The following PDE1A variants were observed in gnomAD, a reference collection of about 807,000 sequenced individuals.
The protein encoded by PDE1A is dual specificity calcium/calmodulin-dependent 3',5'-cyclic nucleotide phosphodiesterase 1A.
Under a neutral mutation model 61.7 loss-of-function variants are expected in PDE1A, and 35 were observed. That is an observed-to-expected ratio of 0.57 (90% confidence interval 0.43 to 0.75). The LOEUF (loss-of-function observed/expected upper bound fraction) is 0.75, where lower values mean the gene tolerates loss of function less well. PDE1A is among the 30% of genes least tolerant of loss of function. PDE1A has a pLI of 0.00. For synonymous variants in PDE1A, 232 were observed against 213.2 expected, an observed-to-expected ratio of 1.09 and a Z score of -0.77; for missense variants, 597 against 630.6, an observed-to-expected ratio of 0.95 and a Z score of 0.57.
In PDE1A at chr2:182,179,740, C is replaced by G. The variant is rs1684593539; in HGVS notation, c.1516+6152G>C. On this transcript the variant is annotated intron_variant, in intron 13 of 13. Transcript: ENST00000351439. Reference sequence around the variant, plus strand: ...TTCTTCCCTGCCTACTGCAGATAATCATTTGAATTTCTACTTTGTGCCAGT... The same window carrying G: ...TTCTTCCCTGCCTACTGCAGATAATGATTTGAATTTCTACTTTGTGCCAGT... Among the ~76,000 whole-genome samples the G allele has an allele frequency of 2.0e-5, 3 of 152,126 alleles. No homozygotes were observed. In the South Asian group the frequency reaches 6.2e-4, roughly 32 times the overall value.
chr2:182,517,931 A>G (rs1182405882), intron 2 of PDE1A, among the ~76,000 whole-genome samples: 4 of 152,210 alleles, frequency 2.6e-5, no homozygotes, highest in African/African-American at 9.6e-5. Flanking sequence ...AAACGGAGGA[A>G]CAGTTGCCTC....
At chr2:182,422,209 T>C (rs1703325699) in intron 1 of PDE1A, among the ~76,000 whole-genome samples, 2 of 152,210 alleles carry the variant, frequency 1.3e-5, no homozygotes, top group African/African-American at 4.8e-5. Context: ...TTATTTCTAA[T>C]GGAAAATTAC....
At chr2:182,153,181 G>A (rs913961401) in intron 13 of PDE1A, among the ~76,000 whole-genome samples, 1 of 152,154 alleles carries the variant, frequency 6.6e-6, no homozygotes, top group Non-Finnish European at 1.5e-5. Context: ...CTAATACCTT[G>A]TCAGATAGCC....
At chr2:182,200,608 G>T (rs1686541062) in intron 10 of PDE1A, among the ~76,000 whole-genome samples, 1 of 152,158 alleles carries the variant, frequency 6.6e-6, no homozygotes, top group African/African-American at 2.4e-5. Context: ...TGCCTGGATT[G>T]TATTCTTTAT....
At chr2:182,610,704 A>T in the PDE1A span, among the ~76,000 whole-genome samples, 27 of 152,198 alleles carry the variant, frequency 1.8e-4, no homozygotes, top group Admixed American at 5.9e-4. Context: ...GACAAAAGCA[A>T]TAGCTCAAAA....
At chr2:182,167,884 G>A (rs935875781), downstream of PDE1A, 2 of 1,048,148 alleles carry the variant, frequency 1.9e-6, no homozygotes, top group East Asian at 7.4e-5. Context: ...GACAATCTAA[G>A]GTGAAAACAG....
At chr2:182,702,142 C>T in the PDE1A span, among the ~76,000 whole-genome samples, 2 of 152,092 alleles carry the variant, frequency 1.3e-5, no homozygotes, top group Non-Finnish European at 2.9e-5. Flanking sequence ...CTCACTCTGT[C>T]GCCCAGGCTG....
the PDE1A span, among the ~76,000 whole-genome samples, chr2:182,650,599 C>G: frequency 6.6e-6 from 1 of 151,968 alleles, no homozygotes; most frequent in Middle Eastern, 3.2e-3. Flanking sequence ...GATTTCATGT[C>G]TACAATAATG....
intron 8 of PDE1A, among the ~76,000 whole-genome samples, chr2:182,205,041 T>C (rs746634350): frequency 3.3e-5 from 5 of 152,204 alleles, no homozygotes; most frequent in Non-Finnish European, 7.4e-5. Flanking sequence ...ACTTTCCTTT[T>C]GGATATTTCT....
At chr2:182,161,359 A>T (rs77549079) in intron 13 of PDE1A, among the ~76,000 whole-genome samples, 3,569 of 151,996 alleles carry the variant, frequency 0.023, 136 homozygotes, top group African/African-American at 0.08. Flanking sequence ...GGGAAAAAAA[A>T]AATGGAATTA....
At chr2:182,518,321 G>A (rs1213967997) in intron 2 of PDE1A, among the ~76,000 whole-genome samples, 3 of 151,978 alleles carry the variant, frequency 2.0e-5, no homozygotes, top group Non-Finnish European at 2.9e-5. Flanking sequence ...ACAACATACT[G>A]CCCTCTTCAA....
At chr2:182,358,009 T>G (rs1455342170) in intron 1 of PDE1A, among the ~76,000 whole-genome samples, 1 of 152,218 alleles carries the variant, frequency 6.6e-6, no homozygotes, top group Non-Finnish European at 1.5e-5. Flanking sequence ...TGTGTTGCAG[T>G]TCTTGCCTCT....
At chr2:182,703,897 A>G in the PDE1A span, among the ~76,000 whole-genome samples, 45 of 152,150 alleles carry the variant, frequency 3.0e-4, no homozygotes, top group African/African-American at 9.6e-4. Flanking sequence ...TATAGGATAA[A>G]TATTTATAAA....
the PDE1A span, among the ~76,000 whole-genome samples, chr2:182,687,178 G>T: frequency 6.6e-6 from 1 of 152,192 alleles, no homozygotes; most frequent in Non-Finnish European, 1.5e-5. Flanking sequence ...CAGCTTTGAA[G>T]AGAGTAGTGG....
At chr2:182,577,976 GGAAGGAAGGA>G in the PDE1A span, among the ~76,000 whole-genome samples, 539 of 146,950 alleles carry the variant, frequency 3.7e-3, 8 homozygotes, top group African/African-American at 0.013. Flanking sequence ...AAGGAAGGAA[GGAAGGAAGGA>G]AGGAAGGGAC....
At chr2:182,207,093 G>A (rs1687171064) in intron 7 of PDE1A, among the ~76,000 whole-genome samples, 1 of 152,150 alleles carries the variant, frequency 6.6e-6, no homozygotes, top group South Asian at 2.1e-4. Flanking sequence ...CTAAAAATGT[G>A]GAAGCAACTT....
chr2:182,316,066 T>C (rs1340510882), intron 1 of PDE1A, among the ~76,000 whole-genome samples: 2 of 152,164 alleles, frequency 1.3e-5, no homozygotes, highest in African/African-American at 4.8e-5. Flanking sequence ...TGAGCAGTAA[T>C]TGAATAAGTC....
At chr2:182,292,207 T>C (rs1321505787) in intron 1 of PDE1A, among the ~76,000 whole-genome samples, 1 of 152,020 alleles carries the variant, frequency 6.6e-6, no homozygotes, top group Non-Finnish European at 1.5e-5. Context: ...AGGCTCTCTC[T>C]CTCTACTAAT....
intron 13 of PDE1A, among the ~76,000 whole-genome samples, chr2:182,176,118 T>A (rs1692751018): frequency 6.7e-6 from 1 of 149,126 alleles, no homozygotes; most frequent in Non-Finnish European, 1.5e-5. Flanking sequence ...TCAGGTAGTG[T>A]GATGCCTCCA....
Sources: allele counts gnomAD v4.1 joint callset (sites outside exome capture counted in the v4.1 genomes callset), GRCh38; gene constraint gnomAD v4.1.1; transcripts MANE v1.5; gene names NCBI Gene and HGNC (gene_info 2026-07-23, HGNC 2026-07-21).